NFIB: variants seen among roughly 807,000 people sequenced by gnomAD.
NFIB encodes the protein nuclear factor I B, also known as nuclear factor 1 B-type.
NFIB carries 11 observed loss-of-function variants against 61.5 expected under a neutral mutation model. That is an observed-to-expected ratio of 0.18 (90% CI 0.11 to 0.30). The LOEUF (loss-of-function observed/expected upper bound fraction) is 0.30, where lower values mean the gene tolerates loss of function less well. Ranked by LOEUF, NFIB falls within the 10% of genes least tolerant of loss-of-function variation. The probability of loss-of-function intolerance (pLI) is 1.00; values close to 1 mark genes in which losing one functional copy is unlikely to be tolerated. For synonymous variants in NFIB, 260 were observed against 216.5 expected, an observed-to-expected ratio of 1.20 and a Z score of -1.76; for missense variants, 471 against 608.9, an observed-to-expected ratio of 0.77 and a Z score of 2.38.
the NFIB span, among the ~76,000 whole-genome samples, chr9:14,457,933 G>T: frequency 6.6e-6 from 1 of 152,164 alleles, no homozygotes; most frequent in African/African-American, 2.4e-5. Flanking sequence ...AATTCTACCA[G>T]AGGTACAAGG....
the NFIB span, among the ~76,000 whole-genome samples, chr9:14,469,506 C>G: frequency 2.0e-5 from 3 of 152,160 alleles, no homozygotes; most frequent in African/African-American, 7.2e-5. Flanking sequence ...TTCTCCCTTC[C>G]AAATTTGGAA....
intron 2 of NFIB, among the ~76,000 whole-genome samples, chr9:14,255,793 C>A (rs958573345): frequency 1.9e-4 from 29 of 152,226 alleles, no homozygotes; most frequent in Non-Finnish European, 2.1e-4. Flanking sequence ...ACTCAACTGA[C>A]TGTGAGAATC....
chr9:14,241,853 C>G (rs1455874525), intron 2 of NFIB, among the ~76,000 whole-genome samples: 1 of 152,186 alleles, frequency 6.6e-6, no homozygotes. Context: ...AATTGTATGT[C>G]TAATTTTTTA....
At chr9:14,444,641 T>C in the NFIB span, among the ~76,000 whole-genome samples, 5 of 152,314 alleles carry the variant, frequency 3.3e-5, no homozygotes, top group Non-Finnish European at 5.9e-5. Context: ...TTACGTGATA[T>C]AGCCAACACT....
At chr9:14,456,636 T>G in the NFIB span, among the ~76,000 whole-genome samples, 1 of 152,288 alleles carries the variant, frequency 6.6e-6, no homozygotes, top group Admixed American at 6.5e-5. Context: ...ATTTGAAAAT[T>G]CAAATTAAAA....
intron 3 of NFIB, among the ~76,000 whole-genome samples, chr9:14,174,135 T>C (rs12341599): frequency 6.6e-6 from 1 of 151,930 alleles, no homozygotes; most frequent in East Asian, 1.9e-4. Flanking sequence ...CCAAACAAGT[T>C]AGAGGATAAA....
intron 2 of NFIB, among the ~76,000 whole-genome samples, chr9:14,183,075 CA>C (rs1231959108): frequency 6.6e-6 from 1 of 151,904 alleles, no homozygotes; most frequent in African/African-American, 2.4e-5. Flanking sequence ...TGCTTAATAA[CA>C]ACTAACTTTT....
At chr9:14,162,915 T>G (rs1369475441) in intron 3 of NFIB, among the ~76,000 whole-genome samples, 2 of 152,112 alleles carry the variant, frequency 1.3e-5, no homozygotes, top group Non-Finnish European at 2.9e-5. Context: ...TATGCCCTCT[T>G]ATCTTTTTAA....
chr9:14,502,353 A>C, the NFIB span, among the ~76,000 whole-genome samples: 1 of 152,228 alleles, frequency 6.6e-6, no homozygotes, highest in Non-Finnish European at 1.5e-5. Flanking sequence ...TCAGAATTGC[A>C]GATAAGGGAT....
At chr9:14,131,537 C>A (rs1021826100) in intron 6 of NFIB, among the ~76,000 whole-genome samples, 3 of 152,140 alleles carry the variant, frequency 2.0e-5, no homozygotes, top group Admixed American at 2.0e-4. Context: ...CGTATGTACT[C>A]GACTCATCGG....
At chr9:14,088,484 T>G (rs541221209) in intron 10 of NFIB, among the ~76,000 whole-genome samples, 158 bp from the exon 11 acceptor site, 2 of 152,286 alleles carry the variant, frequency 1.3e-5, no homozygotes, top group East Asian at 1.9e-4. Flanking sequence ...TGTGCCAAAT[T>G]ATACATGTTA....
intron 2 of NFIB, among the ~76,000 whole-genome samples, chr9:14,269,555 A>T (rs1001459728): frequency 6.6e-6 from 1 of 152,200 alleles, no homozygotes; most frequent in Non-Finnish European, 1.5e-5. Context: ...GTATTGAGAC[A>T]TATGTGTTCT....
upstream of NFIB, among the ~76,000 whole-genome samples, chr9:14,402,479 G>A (rs892278145): frequency 6.6e-6 from 1 of 152,020 alleles, no homozygotes; most frequent in Admixed American, 6.5e-5. Flanking sequence ...AGTATTTTTT[G>A]TAGTCATTAA....
chr9:14,477,855 T>C, the NFIB span, among the ~76,000 whole-genome samples: 20 of 152,186 alleles, frequency 1.3e-4, no homozygotes, highest in African/African-American at 2.2e-4. Context: ...TCTAGCCACA[T>C]TGCAAGCATT....
intron 10 of NFIB, chr9:14,096,405 C>G (rs1447280190): frequency 6.6e-6 from 1 of 152,152 alleles, no homozygotes; most frequent in Non-Finnish European, 1.5e-5. Flanking sequence ...AGAGCGGGAA[C>G]TTTTCTAATC....
chr9:14,477,523 C>A, the NFIB span, among the ~76,000 whole-genome samples: 1 of 152,036 alleles, frequency 6.6e-6, no homozygotes, highest in South Asian at 2.1e-4. Context: ...AGGAGTAATT[C>A]CTCATGGTAT....
At chr9:14,099,286 CA>C (rs1442612752) in intron 10 of NFIB, among the ~76,000 whole-genome samples, 6 of 152,086 alleles carry the variant, frequency 3.9e-5, no homozygotes, top group Admixed American at 1.3e-4. Flanking sequence ...GTGACAAAGG[CA>C]AATTATTTAA....
At chr9:14,397,403 C>G (rs1173995019) in intron 1 of NFIB, among the ~76,000 whole-genome samples, 1 of 152,184 alleles carries the variant, frequency 6.6e-6, no homozygotes, top group African/African-American at 2.4e-5. Context: ...GACAATGGAA[C>G]TTTAGGTAGC....
At chr9:14,173,237 G>C (rs560181837) in intron 3 of NFIB, among the ~76,000 whole-genome samples, 1 of 152,238 alleles carries the variant, frequency 6.6e-6, no homozygotes, top group South Asian at 2.1e-4. Flanking sequence ...AAAGCGGTTG[G>C]CTGACTTGCT....
Sources: allele counts gnomAD v4.1 joint callset (sites outside exome capture counted in the v4.1 genomes callset), GRCh38; gene constraint gnomAD v4.1.1; transcripts MANE v1.5; gene names NCBI Gene and HGNC (gene_info 2026-07-23, HGNC 2026-07-21).